The following KIF13A variants were observed in gnomAD, a reference collection of about 807,000 sequenced individuals.
The protein encoded by KIF13A is kinesin family member 13A.
In KIF13A, 79 loss-of-function variants were observed where a neutral mutation model predicts 212.2. That is an observed-to-expected ratio of 0.37 (90% CI 0.31 to 0.45). KIF13A has a LOEUF of 0.45. KIF13A is among the 20% of genes least tolerant of loss of function. The pLI, the probability that KIF13A is intolerant of heterozygous loss-of-function variation, is 1.00. For missense variants in KIF13A, 1,901 were observed against 2,209.0 expected, an observed-to-expected ratio of 0.86 and a Z score of 2.79; for synonymous variants, 789 against 808.6, an observed-to-expected ratio of 0.98 and a Z score of 0.41.
intron 2 of KIF13A, among the ~76,000 whole-genome samples, chr6:17,937,104 G>T (rs543150673): frequency 9.2e-5 from 14 of 152,312 alleles, no homozygotes; most frequent in Middle Eastern, 6.8e-3. Flanking sequence ...CTGAGCCTGG[G>T]GAAGTTGAGG....
Position 17,772,086 on chromosome 6 carries a change from T to C in KIF13A, c.4325-27A>G. 1 of 1,610,694 alleles carries C rather than the reference T, an allele frequency of 6.2e-7. No individual in the cohort carries two copies. Among genetic ancestry groups the C allele is most frequent in the Non-Finnish European group, 8.5e-7 (1 of 1,177,490 alleles). On this transcript the variant is annotated intron_variant, in intron 36 of 38. Transcript: ENST00000259711. This position sits in a 1 kb window ranked among gnomAD's most constrained non-coding sequence, Gnocchi z 4.8. ...TAGGGAAGATGAGAAGTTATGAGGTTACAGATGCTGAACACTTTAAGCAAA... is the reference window on the plus strand; with the variant it reads ...TAGGGAAGATGAGAAGTTATGAGGTCACAGATGCTGAACACTTTAAGCAAA...
At chr6:17,782,098 A>C (rs1760645028) in intron 29 of KIF13A, among the ~76,000 whole-genome samples, 1 of 151,788 alleles carries the variant, frequency 6.6e-6, no homozygotes, top group Non-Finnish European at 1.5e-5. Flanking sequence ...CACCATGCCC[A>C]GGTAATTTTT....
Position 17,888,015 on chromosome 6 carries a change from T to G in KIF13A, c.159+10153A>C, listed in dbSNP as rs1246713658. Among the ~76,000 whole-genome samples, 1 of 152,072 alleles carries G rather than the reference T, an allele frequency of 6.6e-6. No homozygotes were observed. Among genetic ancestry groups the G allele is most frequent in the African/African-American group, 2.4e-5 (1 of 41,418 alleles). On this transcript the variant is annotated intron_variant, in intron 3 of 38. Coordinates refer to ENST00000259711, the MANE Select transcript of KIF13A (RefSeq NM_022113.6). The surrounding 1 kb of genome is among the most constrained non-coding windows in gnomAD (Gnocchi z 4.8). ...GCCACTGGGCCCAGCCCCTGCATCTTGATTCTTATCCTAAATTTCTGCACT... is the reference window on the plus strand; with the variant it reads ...GCCACTGGGCCCAGCCCCTGCATCTGGATTCTTATCCTAAATTTCTGCACT...
rs1275643097 is a variant in KIF13A, at chr6:17,982,509, C to G, written c.146+4545G>C. On this transcript the variant is annotated intron_variant, in intron 2 of 38. Transcript: ENST00000259711. The surrounding 1 kb of genome is among the most constrained non-coding windows in gnomAD (Gnocchi z 5.1). Reference sequence around the variant, plus strand: ...AAGAGGAAGCTTTCTTCAACTGACCCTCCCTCACACGATTTGCAAGGTGTA... The same window carrying G: ...AAGAGGAAGCTTTCTTCAACTGACCGTCCCTCACACGATTTGCAAGGTGTA... 2.6e-6 allele frequency: 2 copies of G among 761,644 alleles called. No individual in the cohort carries two copies. Among genetic ancestry groups the G allele is most frequent in the Non-Finnish European group, 3.2e-6 (2 of 626,324 alleles). 47.2% of individuals were successfully genotyped at this position (761,644 alleles called of 1,614,324 possible). A position where few individuals can be genotyped will look rare whatever the true frequency, so the allele number is the denominator to read the frequency against.
intron 3 of KIF13A, among the ~76,000 whole-genome samples, chr6:17,873,967 T>A (rs928395130): frequency 1.3e-5 from 2 of 152,322 alleles, no homozygotes; most frequent in African/African-American, 4.8e-5. Flanking sequence ...AATTACTATT[T>A]ATCTAGAATT....
chr6:17,846,740 G>A (rs955973997), intron 9 of KIF13A, among the ~76,000 whole-genome samples: 10 of 152,148 alleles, frequency 6.6e-5, no homozygotes, highest in African/African-American at 2.4e-4. Flanking sequence ...AAGCCTTGGG[G>A]TAATCCAGTA....
chr6:17,956,405 G>A (rs182734737), intron 2 of KIF13A, among the ~76,000 whole-genome samples: 17 of 152,270 alleles, frequency 1.1e-4, no homozygotes, highest in African/African-American at 3.4e-4. Flanking sequence ...CCTGTTTGTG[G>A]TCCTCCCTGA....
Position 17,825,822 on chromosome 6 carries a change from A to G in KIF13A, c.1732T>C (p.Tyr578His). ...AASEASSEPD[Y>H]NYEFAQMEVI... ...TCCATCTGTGCAAATTCATAGTTAT[A>G]GTCTGGTTCAGAGGAAGCCTCACTG... The change falls in exon 16 of 39, where the codon TAT becomes CAT. Residue 578 changes from tyrosine (Y) to histidine (H), a missense_variant. By Grantham distance (83) the Tyr-to-His change is moderately conservative. Coordinates refer to ENST00000259711, the MANE Select transcript of KIF13A (RefSeq NM_022113.6). The surrounding 1 kb of genome is among the most constrained non-coding windows in gnomAD (Gnocchi z 4.5). The G allele has an allele frequency of 6.2e-7, 1 of 1,613,968 alleles. No individual in the cohort carries two copies. The highest frequency in any genetic ancestry group is 8.5e-7 in the Non-Finnish European group (1 of 1,179,858).
At chr6:17,823,281 C>T (rs7771049) in intron 16 of KIF13A, among the ~76,000 whole-genome samples, 69,294 of 151,560 alleles carry the variant, frequency 0.46, 16,220 homozygotes, top group South Asian at 0.53. Flanking sequence ...AGCCACCTGC[C>T]TCATCCTCCC....
rs1477598542 is a variant in KIF13A at position 17,966,468 on chromosome 6, G to A, written c.146+20586C>T. On this transcript the variant is annotated intron_variant, in intron 2 of 38. Transcript: ENST00000259711. ...ATTTTTTTTTTTTTTTTTTTTGACA[G>A]TGAGCAGGATTCTTTCAAAAGTTCT... Among the ~76,000 whole-genome samples, 7 of 115,532 alleles carry A rather than the reference G, an allele frequency of 6.1e-5. No individual in the cohort carries two copies. The East Asian group carries it at 1.2e-3, about 19-fold the overall frequency. 75.8% of individuals were successfully genotyped at this position (115,532 alleles called of 152,430 possible).
chr6:17,890,611 T>C (rs1328227141), intron 3 of KIF13A, among the ~76,000 whole-genome samples: 3 of 151,030 alleles, frequency 2.0e-5, no homozygotes, highest in African/African-American at 4.9e-5. Context: ...TAACAAGCAC[T>C]TTCCCCCTTC....
At chr6:17,890,712 A>G (rs1430918245) in intron 3 of KIF13A, among the ~76,000 whole-genome samples, 1 of 151,038 alleles carries the variant, frequency 6.6e-6, no homozygotes, top group African/African-American at 2.4e-5. Context: ...GTGAAGCCAC[A>G]GACTCCTGGG....
intron 3 of KIF13A, among the ~76,000 whole-genome samples, chr6:17,894,008 T>A (rs1023497155): frequency 6.6e-6 from 1 of 151,764 alleles, no homozygotes; most frequent in Non-Finnish European, 1.5e-5. Flanking sequence ...CCCGGCTAAT[T>A]TTTGTATTTT....
At chr6:17,780,042 A>G (rs929222729) in intron 31 of KIF13A, among the ~76,000 whole-genome samples, 1 of 152,108 alleles carries the variant, frequency 6.6e-6, no homozygotes, top group African/African-American at 2.4e-5. Context: ...CACCGCGCCC[A>G]GCCAGTTATT....
rs936112943 is a variant in KIF13A, at chr6:17,934,321, A to G, written c.147-36141T>C. ...TGCAGGTAGGCAAGAAAAGAAACCT[A>G]CACCAGTTGCTTAAGTGCAGACGAG... is the stretch of plus-strand genomic sequence containing the variant. On this transcript the variant is annotated intron_variant, in intron 2 of 38. Transcript: ENST00000259711. This position sits in a 1 kb window ranked among gnomAD's most constrained non-coding sequence, Gnocchi z 5.4. 1.7e-4 allele frequency among the ~76,000 whole-genome samples: 26 copies of G among 152,164 alleles called. No individual in the cohort carries two copies. The highest frequency in any genetic ancestry group is 6.3e-4 in the African/African-American group (26 of 41,436).
At chr6:17,981,899 C>T (rs1781121572) in intron 2 of KIF13A, among the ~76,000 whole-genome samples, 2 of 152,130 alleles carry the variant, frequency 1.3e-5, no homozygotes, top group Non-Finnish European at 2.9e-5. Flanking sequence ...ATTTAAATTT[C>T]TGGTCTACAG....
At chr6:17,766,389 G>C (rs1350386782) in intron 38 of KIF13A, among the ~76,000 whole-genome samples, 1 of 151,444 alleles carries the variant, frequency 6.6e-6, no homozygotes, top group African/African-American at 2.4e-5. Flanking sequence ...ACAGGCATGC[G>C]CCAGCATGCC....
chr6:17,945,393 T>C (rs569520316), intron 2 of KIF13A, among the ~76,000 whole-genome samples: 4 of 152,176 alleles, frequency 2.6e-5, no homozygotes, highest in Non-Finnish European at 5.9e-5. Flanking sequence ...GGATTGTTTC[T>C]AGGGAGCTGC....
chr6:17,759,240 T>G (rs1758483865), downstream of KIF13A: 1 of 152,126 alleles, frequency 6.6e-6, no homozygotes, highest in African/African-American at 2.4e-5. Flanking sequence ...GACAAATGAT[T>G]AGTGTTTTAA....
Sources: allele counts gnomAD v4.1 joint callset (sites outside exome capture counted in the v4.1 genomes callset), GRCh38; gene constraint gnomAD v4.1.1; non-coding constraint Gnocchi (gnomAD v3.1); transcripts MANE v1.5; gene names NCBI Gene and HGNC (gene_info 2026-07-23, HGNC 2026-07-21).